TEK: variants seen among roughly 807,000 people sequenced by gnomAD.
The protein encoded by TEK is angiopoietin-1 receptor.
TEK carries 43 observed loss-of-function variants against 131.8 expected under a neutral mutation model. The observed-to-expected ratio is 0.33, with a 90% CI of 0.26 to 0.42. The LOEUF is 0.42. TEK is among the 10% of genes least tolerant of loss of function. TEK has a pLI of 1.00. For missense variants in TEK, 1,162 were observed against 1,384.4 expected (o/e 0.84, Z 2.55); for synonymous variants, 580 against 491.6 (o/e 1.18, Z -2.38).
In TEK at chr9:27,111,898, C is replaced by CT. The variant is rs34064691; in HGVS notation, c.52+2274dup. 3.6e-3 allele frequency among the ~76,000 whole-genome samples: 407 copies of CT among 111,654 alleles called. 5 individuals carry two copies. The highest frequency in any genetic ancestry group is 0.012 in the African/African-American group (385 of 31,306). The allele number at this position is 111,654 out of a possible 152,430, so 73.2% of individuals were successfully genotyped here. On this transcript the variant is annotated intron_variant, in intron 1 of 22. Coordinates refer to ENST00000380036, the MANE Select transcript of TEK (RefSeq NM_000459.5). ...CATACCTCTTTACTGTGTCACTTGA[C>CT]TTTTTTTTTTTTTTTTTTGAGATGG...
At chr9:27,151,067 C>G (rs1034833910) in intron 1 of TEK, among the ~76,000 whole-genome samples, 1 of 152,104 alleles carries the variant, frequency 6.6e-6, no homozygotes, top group Non-Finnish European at 1.5e-5. Flanking sequence ...CTCTGAACTC[C>G]CAGCTATACA....
At chr9:27,118,844 T>C (rs938902622) in intron 1 of TEK, among the ~76,000 whole-genome samples, 1 of 152,146 alleles carries the variant, frequency 6.6e-6, no homozygotes. Context: ...TCCCTGGGAA[T>C]TTATGAGCAC....
intron 1 of TEK, among the ~76,000 whole-genome samples, chr9:27,155,594 T>C (rs1823302872): frequency 1.3e-5 from 2 of 152,234 alleles, no homozygotes; most frequent in African/African-American, 4.8e-5. Context: ...AAACAAATTA[T>C]ATGAGGACTT....
chr9:27,111,828 C>T (rs1440156066), intron 1 of TEK, among the ~76,000 whole-genome samples: 2 of 151,634 alleles, frequency 1.3e-5, no homozygotes, highest in African/African-American at 4.8e-5. Context: ...GTATCTTCTA[C>T]GTGATCAACA....
chr9:27,175,430 T>G (rs1186516855), intron 6 of TEK, among the ~76,000 whole-genome samples: 1 of 151,960 alleles, frequency 6.6e-6, no homozygotes, highest in African/African-American at 2.4e-5. Flanking sequence ...CTATTGTGAA[T>G]AGTGCCACAA....
At chr9:27,213,078 TTATC>T (rs1345892466) in intron 17 of TEK, among the ~76,000 whole-genome samples, 181 bp downstream of exon 17, 2 of 152,074 alleles carry the variant, frequency 1.3e-5, no homozygotes, top group Non-Finnish European at 2.9e-5. Context: ...GACAATATGT[TTATC>T]TAGCAATTTT....
At chr9:27,216,622 A>G (rs908329615) in intron 18 of TEK, among the ~76,000 whole-genome samples, 1 of 152,198 alleles carries the variant, frequency 6.6e-6, no homozygotes, top group African/African-American at 2.4e-5. Context: ...TAAAAGTACA[A>G]AATTACCATT....
At chr9:27,138,023 G>A (rs7023432) in intron 1 of TEK, among the ~76,000 whole-genome samples, 77,939 of 151,316 alleles carry the variant, frequency 0.52, 20,971 homozygotes, top group African/African-American at 0.56. Flanking sequence ...AACCTTCCCA[G>A]TGAGTGTTAC....
chr9:27,192,566 GGA>G lies in TEK; in HGVS notation c.1571_1572del (p.Glu524GlyfsTer30). 6.2e-7 allele frequency: 1 copy of G among 1,613,998 alleles called. No homozygotes were observed. Among genetic ancestry groups the G allele is most frequent in the Non-Finnish European group, 8.5e-7 (1 of 1,179,964 alleles). On this transcript the variant is annotated frameshift_variant, in exon 11 of 23. Coordinates refer to ENST00000380036, the MANE Select transcript of TEK (RefSeq NM_000459.5). LOFTEE classifies it high-confidence loss of function. ...YELCVQLVRR[G>X]EGGEGHPGPV... Reference sequence around the variant, plus strand: ...ACTCTGTGTGCAACTGGTCCGTCGTGGAGAGGGTGGGGAAGGGCATCCTGGAC... The same window carrying G: ...ACTCTGTGTGCAACTGGTCCGTCGTGGAGGGTGGGGAAGGGCATCCTGGAC...
intron 4 of TEK, among the ~76,000 whole-genome samples, chr9:27,170,784 A>G (rs1050419633): frequency 6.6e-6 from 1 of 152,184 alleles, no homozygotes; most frequent in Non-Finnish European, 1.5e-5. Flanking sequence ...AATTTCCAGG[A>G]TAAATAATCA....
chr9:27,192,053 C>T lies in TEK; in HGVS notation c.1490-436C>T, dbSNP rs1304377520. On this transcript the variant is annotated intron_variant, in intron 10 of 22. Coordinates refer to ENST00000380036, the MANE Select transcript of TEK (RefSeq NM_000459.5). The stretch of plus-strand genomic sequence containing the variant: ...CTTCATTGTAATAGTATGACCATTG[C>T]AAATCAGTTTTCTGGTCATTTTGAG... 9.6e-6 allele frequency: 4 copies of T among 414,684 alleles called. No homozygotes were observed. The East Asian group carries it at 2.1e-4, about 22-fold the overall frequency. The allele number at this position is 414,684 out of a possible 1,614,324, so 25.7% of individuals were successfully genotyped here. A position where few individuals can be genotyped will look rare whatever the true frequency, so the allele number is the denominator to read the frequency against.
chr9:27,225,707 C>T (rs896428577), intron 21 of TEK, among the ~76,000 whole-genome samples: 12 of 152,140 alleles, frequency 7.9e-5, no homozygotes, highest in South Asian at 6.2e-4. Context: ...ACACCAAAAG[C>T]GATGGCAACA....
intron 1 of TEK, among the ~76,000 whole-genome samples, chr9:27,138,430 G>A (rs1286201983): frequency 1.3e-5 from 2 of 151,638 alleles, no homozygotes; most frequent in Non-Finnish European, 2.9e-5. Context: ...GCTGATTGGT[G>A]CATTTACAAT....
At chr9:27,203,865 A>T (rs1041091799) in intron 13 of TEK, among the ~76,000 whole-genome samples, 11 of 152,254 alleles carry the variant, frequency 7.2e-5, no homozygotes, top group Non-Finnish European at 1.5e-4. Flanking sequence ...AAAATACTAT[A>T]ACTAAATCTG....
Position 27,130,726 on chromosome 9 carries a change from A to C in TEK, c.52+21084A>C, listed in dbSNP as rs1822179822. Among the ~76,000 whole-genome samples the C allele has an allele frequency of 2.7e-5, 4 of 147,606 alleles. 1 individual carries two copies. In the South Asian group the frequency reaches 6.5e-4, roughly 24 times the overall value. On this transcript the variant is annotated intron_variant, in intron 1 of 22. Transcript: ENST00000380036. Reference sequence around the variant, plus strand: ...TGAGTAGCTGGGATTACAGGTGTGCACCACCACGCCTGGCTAATTTTTGTA... The same window carrying C: ...TGAGTAGCTGGGATTACAGGTGTGCCCCACCACGCCTGGCTAATTTTTGTA...
At chr9:27,197,176 C>T in intron 11 of TEK, 139 bp from the exon 12 acceptor site, 1 of 834,214 alleles carries the variant, frequency 1.2e-6, no homozygotes, top group Non-Finnish European at 1.9e-6. Flanking sequence ...TGGGAAGTCA[C>T]ACTCATCAAC....
intron 10 of TEK, among the ~76,000 whole-genome samples, chr9:27,192,120 A>T (rs947978602): frequency 6.6e-6 from 1 of 152,206 alleles, no homozygotes; most frequent in Non-Finnish European, 1.5e-5. Context: ...GCTTGATTGC[A>T]ATCAGTGTAC....
At chr9:27,220,185 TC>T in intron 21 of TEK, 40 bp downstream of exon 21, 1 of 1,598,528 alleles carries the variant, frequency 6.3e-7, no homozygotes, top group African/African-American at 1.3e-5. Context: ...TGTCTTACCT[TC>T]CCCCTGTGTG....
chr9:27,169,724 A>T, intron 4 of TEK, 95 bp downstream of exon 4: 1 of 1,550,806 alleles, frequency 6.4e-7, no homozygotes, highest in Non-Finnish European at 8.8e-7. Context: ...TGGCTTCTTA[A>T]GCAAAAACCA....
Sources: allele counts gnomAD v4.1 joint callset (sites outside exome capture counted in the v4.1 genomes callset), GRCh38; gene constraint gnomAD v4.1.1; transcripts MANE v1.5; gene names NCBI Gene and HGNC (gene_info 2026-07-23, HGNC 2026-07-21).